The following OSBPL9 variants were observed in gnomAD, a reference collection of about 807,000 sequenced individuals.
The protein encoded by OSBPL9 is oxysterol binding protein like 9, also known as oxysterol-binding protein-related protein 9.
OSBPL9 carries 40 observed loss-of-function variants against 106.6 expected under a neutral mutation model. The ratio of observed to expected loss-of-function variants is 0.38; its 90% CI spans 0.29 to 0.49. The LOEUF is 0.49. OSBPL9 is among the 20% of genes least tolerant of loss of function. The probability of loss-of-function intolerance (pLI) is 0.97; values close to 1 mark genes in which losing one functional copy is unlikely to be tolerated. For synonymous variants in OSBPL9, 269 were observed against 295.4 expected (o/e 0.91, Z 0.92); for missense variants, 609 against 887.2 (o/e 0.69, Z 3.98).
At position 51,752,300 on chromosome 1, in the gene OSBPL9, A is replaced by G. The variant is rs1669423412; in HGVS notation, c.543+2105A>G. Reference sequence around the variant, plus strand: ...TGTTCCCTCCACGTGGAGGGCATTTACCACAGATTGCCACTAGGCTCACTC... The same window carrying G: ...TGTTCCCTCCACGTGGAGGGCATTTGCCACAGATTGCCACTAGGCTCACTC... On this transcript the variant is annotated intron_variant, in intron 8 of 23. Coordinates refer to ENST00000428468, the MANE Select transcript of OSBPL9 (RefSeq NM_024586.6). Among the ~76,000 whole-genome samples the G allele has an allele frequency of 2.1e-5, 3 of 145,752 alleles. No homozygotes were observed. The South Asian group carries it at 6.6e-4, about 32-fold the overall frequency.
chr1:51,601,987 C>T (rs2148603922), intron 2 of OSBPL9, among the ~76,000 whole-genome samples: 1 of 140,246 alleles, frequency 7.1e-6, no homozygotes, highest in Admixed American at 7.4e-5. Flanking sequence ...CTGTCTCCCT[C>T]AGGCCAGTCA....
rs553324888 is a variant in OSBPL9, at chr1:51,765,351, T to A, written c.779-471T>A. On this transcript the variant is annotated intron_variant, in intron 11 of 23. Transcript: ENST00000428468. The stretch of plus-strand genomic sequence containing the variant: ...TTTTCCATGTGATTGCCAAAAAATA[T>A]TGAATGATAGGAATGTGATATCCTG... Among the ~76,000 whole-genome samples, 3 of 152,344 alleles carry A rather than the reference T, an allele frequency of 2.0e-5. No homozygotes were observed. In the South Asian group the frequency reaches 6.2e-4, roughly 32 times the overall value.
chr1:51,760,589 G>T, intron 9 of OSBPL9, 101 bp from the exon 10 acceptor site: 1 of 1,543,748 alleles, frequency 6.5e-7, no homozygotes, highest in Non-Finnish European at 8.8e-7. Flanking sequence ...TATCTATATA[G>T]CTACCCTCAG....
At chr1:51,704,473 G>A (rs540350168) in intron 3 of OSBPL9, among the ~76,000 whole-genome samples, 3 of 152,264 alleles carry the variant, frequency 2.0e-5, no homozygotes, top group African/African-American at 7.2e-5. Flanking sequence ...ATTTCTGTGG[G>A]ATCGGTGGTG....
At chr1:51,603,053 G>C (rs1341893715) in intron 2 of OSBPL9, among the ~76,000 whole-genome samples, 1 of 152,156 alleles carries the variant, frequency 6.6e-6, no homozygotes, top group Non-Finnish European at 1.5e-5. Context: ...TTATAGGGTG[G>C]TTGAAGTGGG....
At chr1:51,749,682 G>A (rs550556352) in intron 7 of OSBPL9, 23 of 196,358 alleles carry the variant, frequency 1.2e-4, no homozygotes, top group Non-Finnish European at 2.2e-4. Flanking sequence ...AATCAGATTC[G>A]TATGTCTTTC....
chr1:51,543,150 A>G, the OSBPL9 span, among the ~76,000 whole-genome samples: 1 of 152,242 alleles, frequency 6.6e-6, no homozygotes, highest in African/African-American at 2.4e-5. Context: ...CCATTTCTCC[A>G]AGGAAACAGA....
chr1:51,571,894 T>A, the OSBPL9 span, among the ~76,000 whole-genome samples: 2 of 152,096 alleles, frequency 1.3e-5, no homozygotes, highest in African/African-American at 4.8e-5. Flanking sequence ...AGGACTCTTC[T>A]AAAGAACTAG....
the OSBPL9 span, among the ~76,000 whole-genome samples, chr1:51,535,559 AT>A: frequency 8.3e-3 from 1,256 of 150,942 alleles, 16 homozygotes; most frequent in African/African-American, 0.029. Flanking sequence ...ATTACTTTTT[AT>A]TTTTTTTTAA....
At chr1:51,664,173 T>C (rs1373887614) in intron 2 of OSBPL9, among the ~76,000 whole-genome samples, 1 of 152,194 alleles carries the variant, frequency 6.6e-6, no homozygotes, top group Non-Finnish European at 1.5e-5. Flanking sequence ...TGAATAAGAA[T>C]ATTCATAGGA....
chr1:51,775,462 A>G (rs1674837770), intron 14 of OSBPL9, among the ~76,000 whole-genome samples: 1 of 151,850 alleles, frequency 6.6e-6, no homozygotes, highest in Non-Finnish European at 1.5e-5. Flanking sequence ...CTGTTCCCCC[A>G]AACAGAGCAT....
chr1:51,574,661 T>A (rs1645173149), upstream of OSBPL9, among the ~76,000 whole-genome samples: 1 of 151,816 alleles, frequency 6.6e-6, no homozygotes, highest in Non-Finnish European at 1.5e-5. Context: ...GGTGGTTGGG[T>A]GATCATAGAC....
At chr1:51,683,008 C>T (rs919125081) in intron 3 of OSBPL9, among the ~76,000 whole-genome samples, 2 of 151,806 alleles carry the variant, frequency 1.3e-5, no homozygotes, top group Admixed American at 1.3e-4. Context: ...TCCCGAGTAG[C>T]TAGGATTACA....
chr1:51,577,942 A>G (rs144907227), intron 1 of OSBPL9, among the ~76,000 whole-genome samples: 1,727 of 152,304 alleles, frequency 0.011, 29 homozygotes, highest in Middle Eastern at 0.068. Context: ...GTGTGAGAAA[A>G]GCCCTTTATA....
chr1:51,770,650 A>G (rs1050755039), intron 12 of OSBPL9, among the ~76,000 whole-genome samples: 1 of 152,190 alleles, frequency 6.6e-6, no homozygotes, highest in Admixed American at 6.5e-5. Flanking sequence ...ATTGCCTCTC[A>G]AAACTGGTGA....
At chr1:51,764,454 TTTGTG>T (rs1338951386) in intron 11 of OSBPL9, among the ~76,000 whole-genome samples, 2 of 152,214 alleles carry the variant, frequency 1.3e-5, no homozygotes, top group Non-Finnish European at 2.9e-5. Flanking sequence ...GGTTAAACTT[TTTGTG>T]TTATCTTTTT....
At position 51,788,481 on chromosome 1, in the gene OSBPL9, T is replaced by TATTA. The variant is rs1438146252; in HGVS notation, c.*693_*696dup. On this transcript the variant is annotated 3_prime_UTR_variant, in exon 24 of 24. Coordinates refer to ENST00000428468, the MANE Select transcript of OSBPL9 (RefSeq NM_024586.6). ...CTTTTTTTTAAAAATGTGCATCTTT[T>TATTA]ATTATCTTTTATGGTTAAACTTGGA... 1 of 152,624 alleles carries TATTA rather than the reference T, an allele frequency of 6.6e-6. No homozygotes were observed. The highest frequency in any genetic ancestry group is 2.4e-5 in the African/African-American group (1 of 41,446). The allele number at this position is 152,624 out of a possible 1,614,324, so 9.5% of individuals were successfully genotyped here. A position where few individuals can be genotyped will look rare whatever the true frequency, so the allele number is the denominator to read the frequency against.
intron 1 of OSBPL9, among the ~76,000 whole-genome samples, chr1:51,590,346 C>T (rs868381178): frequency 7.9e-5 from 12 of 151,878 alleles, no homozygotes; most frequent in African/African-American, 2.4e-4. Flanking sequence ...CGTGGCCGGG[C>T]GCGGTGGCTC....
At chr1:51,723,732 TG>T (rs1484085351) in intron 4 of OSBPL9, among the ~76,000 whole-genome samples, 1 of 152,176 alleles carries the variant, frequency 6.6e-6, no homozygotes, top group African/African-American at 2.4e-5. Context: ...ATTATCTGGA[TG>T]TACCGCCTAT....
Sources: gnomAD v4.1 joint callset for allele counts (sites outside exome capture counted in the v4.1 genomes callset) on GRCh38, gnomAD v4.1.1 for gene constraint, MANE v1.5 for transcripts, NCBI Gene and HGNC (gene_info 2026-07-23, HGNC 2026-07-21) for gene names.